Variants in IGF1R observed in about 807,000 individuals in gnomAD.
IGF1R encodes the protein insulin like growth factor 1 receptor.
In IGF1R, 44 loss-of-function variants were observed where a neutral mutation model predicts 144.6. The ratio of observed to expected loss-of-function variants is 0.30; its 90% CI spans 0.24 to 0.39. The LOEUF is 0.39. Ranked by LOEUF, IGF1R falls within the 10% of genes least tolerant of loss-of-function variation. IGF1R has a pLI of 1.00. For missense variants in IGF1R, 1,355 were observed against 1,833.7 expected (o/e 0.74, Z 4.77); for synonymous variants, 795 against 722.8 (o/e 1.10, Z -1.60).
chr15:98,650,778 C>T (rs1305417056), intron 1 of IGF1R: 1 of 521,996 alleles, frequency 1.9e-6, no homozygotes, highest in African/African-American at 2.1e-5. Flanking sequence ...GTGTCGCCCT[C>T]TCTTCTGCCG....
rs1244490342 is a variant in IGF1R at position 98,935,837 on chromosome 15, CGTTAT to C, written c.3297+415_3297+419del. ...TCACATCCTCGTATGTGTTCTCTCT[CGTTAT>C]GTTGTGTTGTGCTGTTGTTGGAGTG... On this transcript the variant is annotated intron_variant, in intron 17 of 20. Coordinates refer to ENST00000650285, the MANE Select transcript of IGF1R (RefSeq NM_000875.5). The surrounding 1 kb of genome is among the most constrained non-coding windows in gnomAD (Gnocchi z 4.2). Among the ~76,000 whole-genome samples the C allele has an allele frequency of 3.3e-5, 5 of 152,300 alleles. No individual in the cohort carries two copies. The highest frequency in any genetic ancestry group is 1.3e-4 in the Admixed American group (2 of 15,294).
chr15:98,753,326 C>G (rs2055065413), intron 2 of IGF1R, among the ~76,000 whole-genome samples: 2 of 151,484 alleles, frequency 1.3e-5, no homozygotes, highest in Middle Eastern at 6.8e-3. Flanking sequence ...AAGCAATCCT[C>G]CCGCCTGAGC....
At chr15:98,649,717 T>C in intron 1 of IGF1R, 42 bp downstream of exon 1, 1 of 1,442,122 alleles carries the variant, frequency 6.9e-7, no homozygotes, top group East Asian at 2.3e-5. Flanking sequence ...CGGGAACTTT[T>C]CCTCCGAGGG....
intron 2 of IGF1R, among the ~76,000 whole-genome samples, chr15:98,776,473 A>C (rs1352293210): frequency 6.6e-6 from 1 of 152,232 alleles, no homozygotes; most frequent in African/African-American, 2.4e-5. Flanking sequence ...GGTGTGAGCC[A>C]CTGCGCCCAG....
chr15:98,721,136 G>A (rs577482250), intron 2 of IGF1R, among the ~76,000 whole-genome samples: 1 of 152,288 alleles, frequency 6.6e-6, no homozygotes, highest in Non-Finnish European at 1.5e-5. Flanking sequence ...GCTCTTCGTG[G>A]TTTCTCCTTA....
intron 2 of IGF1R, among the ~76,000 whole-genome samples, chr15:98,860,930 C>G (rs2012114424): frequency 6.6e-6 from 1 of 152,156 alleles, no homozygotes; most frequent in South Asian, 2.1e-4. Context: ...TTGACTACCC[C>G]AGAAATGTTT....
At chr15:98,770,367 G>T (rs1009421187) in intron 2 of IGF1R, among the ~76,000 whole-genome samples, 1 of 152,216 alleles carries the variant, frequency 6.6e-6, no homozygotes, top group Non-Finnish European at 1.5e-5. Flanking sequence ...GGTAGAGAAT[G>T]AGTACAAACA....
intron 5 of IGF1R, among the ~76,000 whole-genome samples, chr15:98,900,946 A>T (rs936834797): frequency 3.3e-5 from 5 of 152,190 alleles, no homozygotes; most frequent in Non-Finnish European, 7.3e-5. Context: ...GACTAAGCAA[A>T]TGATAGACAT....
intron 2 of IGF1R, among the ~76,000 whole-genome samples, chr15:98,814,345 T>G (rs1282720038): frequency 6.6e-6 from 1 of 152,064 alleles, no homozygotes; most frequent in East Asian, 1.9e-4. Flanking sequence ...ATGATTTGGA[T>G]GGATGGATGG....
rs538962947 is a variant in IGF1R at position 98,649,431 on chromosome 15, C to G, written c.-151C>G. 12 of 500,382 alleles carry G rather than the reference C, an allele frequency of 2.4e-5. No individual in the cohort carries two copies. The highest frequency in any genetic ancestry group is 1.1e-4 in the East Asian group (3 of 28,190). 31.0% of individuals were successfully genotyped at this position (500,382 alleles called of 1,614,324 possible). On this transcript the variant is annotated 5_prime_UTR_variant, in exon 1 of 21. Coordinates refer to ENST00000650285, the MANE Select transcript of IGF1R (RefSeq NM_000875.5). ...CGGAGGGCCCCGGCGGCGCCGCCTT[C>G]GGAGTATTGTTTCCTTCGCCCTTGT...
chr15:98,899,661 A>G (rs781342026), intron 5 of IGF1R, 40 bp downstream of exon 5: 1 of 1,601,410 alleles, frequency 6.2e-7, no homozygotes, highest in South Asian at 1.1e-5. Flanking sequence ...TTCTATTACA[A>G]AATAAGCAGC....
intron 2 of IGF1R, chr15:98,820,869 T>C (rs1478831716): frequency 1.3e-5 from 2 of 152,210 alleles, no homozygotes; most frequent in East Asian, 1.9e-4. Context: ...GACATCACAA[T>C]TGAATTTTTT....
chr15:98,864,588 G>T, intron 2 of IGF1R, among the ~76,000 whole-genome samples: 1 of 152,144 alleles, frequency 6.6e-6, no homozygotes, highest in East Asian at 1.9e-4. Context: ...TGGGGTCTGT[G>T]TTGCCCAGGT....
Position 98,958,239 on chromosome 15 carries a change from A to G in IGF1R, c.*797A>G. 4.3e-6 allele frequency: 1 copy of G among 231,636 alleles called. No individual in the cohort carries two copies. The highest frequency in any genetic ancestry group is 8.5e-6 in the Non-Finnish European group (1 of 117,122). The allele number at this position is 231,636 out of a possible 1,614,324, so 14.3% of individuals were successfully genotyped here. On this transcript the variant is annotated 3_prime_UTR_variant, in exon 21 of 21. Transcript: ENST00000650285. ...ATTATTATTTGGGGGAACTGGACACAATAGGTCTTTCTCTCAGTGAAGGTG... is the reference window on the plus strand; with the variant it reads ...ATTATTATTTGGGGGAACTGGACACGATAGGTCTTTCTCTCAGTGAAGGTG...
At chr15:98,677,307 T>C (rs1457006221) in intron 1 of IGF1R, among the ~76,000 whole-genome samples, 1 of 152,230 alleles carries the variant, frequency 6.6e-6, no homozygotes, top group Non-Finnish European at 1.5e-5. Context: ...ACTTATCTTG[T>C]ACCTACCCAA....
chr15:98,706,088 C>T (rs2053855035), intron 1 of IGF1R, among the ~76,000 whole-genome samples: 1 of 152,224 alleles, frequency 6.6e-6, no homozygotes. Context: ...GTCTGTCCTG[C>T]TTAATTCCAT....
chr15:98,887,220 G>C (rs1157414150), intron 2 of IGF1R, among the ~76,000 whole-genome samples: 1 of 152,118 alleles, frequency 6.6e-6, no homozygotes, highest in Non-Finnish European at 1.5e-5. Flanking sequence ...CGGACTGACT[G>C]ACTGGATGGT....
chr15:98,895,599 C>T (rs1265143681), intron 3 of IGF1R, among the ~76,000 whole-genome samples: 2 of 152,084 alleles, frequency 1.3e-5, no homozygotes, highest in East Asian at 3.8e-4. Flanking sequence ...CTTGGGGAAG[C>T]CATGACCCCC....
intron 2 of IGF1R, among the ~76,000 whole-genome samples, chr15:98,836,431 G>T (rs2141517766): frequency 6.6e-6 from 1 of 151,178 alleles, no homozygotes; most frequent in Middle Eastern, 3.4e-3. Flanking sequence ...GAGGTGGGAG[G>T]ATCGCATGAG....
Sources: gnomAD v4.1 joint callset for allele counts (sites outside exome capture counted in the v4.1 genomes callset) on GRCh38, gnomAD v4.1.1 for gene constraint, Gnocchi (gnomAD v3.1) non-coding constraint, MANE v1.5 for transcripts, NCBI Gene and HGNC (gene_info 2026-07-23, HGNC 2026-07-21) for gene names.